FBXL7: variants seen among roughly 807,000 people sequenced by gnomAD.
FBXL7 encodes F-box and leucine rich repeat protein 7, also known as F-box/LRR-repeat protein 7.
A neutral mutation model predicts 38.3 loss-of-function variants in FBXL7; 12 were observed. The ratio of observed to expected loss-of-function variants is 0.31; its 90% confidence interval spans 0.20 to 0.51. The LOEUF is 0.51. Ranked by LOEUF, FBXL7 falls within the 20% of genes least tolerant of loss-of-function variation. The pLI is 0.98. For missense variants in FBXL7, 567 were observed against 676.4 expected (o/e 0.84, Z 1.79); for synonymous variants, 297 against 300.9 (o/e 0.99, Z 0.13).
intron 1 of FBXL7, among the ~76,000 whole-genome samples, chr5:15,540,195 TAAA>T (rs1333228433): frequency 4.6e-5 from 7 of 152,162 alleles, no homozygotes; most frequent in African/African-American, 1.7e-4. Flanking sequence ...TTTAAATGAA[TAAA>T]ATACCCAAGG....
intron 2 of FBXL7, among the ~76,000 whole-genome samples, chr5:15,913,152 GTGCCT>G (rs1157571045): frequency 6.6e-6 from 1 of 151,888 alleles, no homozygotes; most frequent in Non-Finnish European, 1.5e-5. Flanking sequence ...TTGGCACTTA[GTGCCT>G]TGGATATAGT....
At chr5:15,734,362 T>C (rs1409072786) in intron 2 of FBXL7, among the ~76,000 whole-genome samples, 1 of 152,228 alleles carries the variant, frequency 6.6e-6, no homozygotes, top group Non-Finnish European at 1.5e-5. Context: ...CGATCACAAG[T>C]CATGGGTTTA....
At chr5:15,707,012 C>T (rs1016641244) in intron 2 of FBXL7, among the ~76,000 whole-genome samples, 15 of 151,972 alleles carry the variant, frequency 9.9e-5, no homozygotes, top group African/African-American at 3.6e-4. Flanking sequence ...GTCAGCTGGG[C>T]ATATTAAAAT....
intron 1 of FBXL7, among the ~76,000 whole-genome samples, chr5:15,544,141 C>T (rs1479825435): frequency 6.6e-6 from 1 of 152,194 alleles, no homozygotes; most frequent in Non-Finnish European, 1.5e-5. Flanking sequence ...GGTAGCCCTG[C>T]TCTGCAAGGA....
chr5:15,519,138 G>A (rs570639306), intron 1 of FBXL7, among the ~76,000 whole-genome samples: 2 of 152,194 alleles, frequency 1.3e-5, no homozygotes, highest in East Asian at 3.9e-4. Flanking sequence ...GAGGTCAGGA[G>A]TTCAAGACCT....
intron 2 of FBXL7, among the ~76,000 whole-genome samples, chr5:15,750,799 A>G (rs1736134594): frequency 6.6e-6 from 1 of 152,158 alleles, no homozygotes; most frequent in South Asian, 2.1e-4. Flanking sequence ...TCTGGAGCAA[A>G]GCATACAAGA....
At chr5:15,568,663 C>T (rs1461005463) in intron 1 of FBXL7, among the ~76,000 whole-genome samples, 1 of 151,816 alleles carries the variant, frequency 6.6e-6, no homozygotes, top group African/African-American at 2.4e-5. Context: ...AAGTCCTTGC[C>T]CATGCCTATG....
At chr5:15,507,182 T>G (rs1374160728) in intron 1 of FBXL7, among the ~76,000 whole-genome samples, 3 of 152,054 alleles carry the variant, frequency 2.0e-5, no homozygotes, top group Non-Finnish European at 4.4e-5. Flanking sequence ...AAAATCACCC[T>G]AGTTCTGAGT....
intron 2 of FBXL7, among the ~76,000 whole-genome samples, chr5:15,878,061 A>G (rs1197191872): frequency 6.6e-6 from 1 of 152,204 alleles, no homozygotes; most frequent in Non-Finnish European, 1.5e-5. Flanking sequence ...ACCCAGACCA[A>G]TGAGCTCCCC....
At chr5:15,718,754 C>G (rs1478871685) in intron 2 of FBXL7, among the ~76,000 whole-genome samples, 1 of 152,034 alleles carries the variant, frequency 6.6e-6, no homozygotes, top group Non-Finnish European at 1.5e-5. Context: ...TTTTTCTTTT[C>G]TTTAAACATT....
chr5:15,575,978 GT>G (rs552679886), intron 1 of FBXL7, among the ~76,000 whole-genome samples: 96 of 146,206 alleles, frequency 6.6e-4, no homozygotes, highest in African/African-American at 1.9e-3. Context: ...TCTGCACTGT[GT>G]TTTTTTGTGT....
chr5:15,869,881 G>A (rs1449623628), intron 2 of FBXL7, among the ~76,000 whole-genome samples: 1 of 152,114 alleles, frequency 6.6e-6, no homozygotes, highest in East Asian at 1.9e-4. Flanking sequence ...AGGCTGAGAT[G>A]TGCAGATCAC....
intron 2 of FBXL7, among the ~76,000 whole-genome samples, chr5:15,707,043 A>T (rs75347508): frequency 0.053 from 8,013 of 152,180 alleles, 226 homozygotes; most frequent in South Asian, 0.08. Flanking sequence ...ACTTTACAGA[A>T]TGCCGACCTG....
intron 2 of FBXL7, among the ~76,000 whole-genome samples, chr5:15,856,747 T>C (rs1300533756): frequency 6.6e-6 from 1 of 152,080 alleles, no homozygotes; most frequent in African/African-American, 2.4e-5. Flanking sequence ...CTTCCTTTTT[T>C]TTCTTTCTTT....
rs572957199 is a variant in FBXL7, at chr5:15,856,569, A to G, written c.128-71321A>G. 2.6e-5 allele frequency among the ~76,000 whole-genome samples: 4 copies of G among 152,262 alleles called. No individual in the cohort carries two copies. The South Asian group carries it at 6.2e-4, about 24-fold the overall frequency. On this transcript the variant is annotated intron_variant, in intron 2 of 3. Transcript: ENST00000504595. ...TGAAAGTAAAATTAAAAAAAAAACT[A>G]GAGAATAAAGAAATACATGACATAA...
chr5:15,742,453 A>G (rs899818787), intron 2 of FBXL7, among the ~76,000 whole-genome samples: 3 of 152,168 alleles, frequency 2.0e-5, no homozygotes, highest in African/African-American at 7.2e-5. Context: ...GCTGATGGCT[A>G]TATCATTTCC....
intron 2 of FBXL7, among the ~76,000 whole-genome samples, chr5:15,798,607 ATGGAAT>A (rs1737476740): frequency 6.6e-6 from 1 of 152,240 alleles, no homozygotes; most frequent in South Asian, 2.1e-4. Flanking sequence ...CAGACAAGAG[ATGGAAT>A]TGGAAGAAGA....
At chr5:15,660,297 C>G (rs2126583041) in intron 2 of FBXL7, among the ~76,000 whole-genome samples, 1 of 152,304 alleles carries the variant, frequency 6.6e-6, no homozygotes, top group Non-Finnish European at 1.5e-5. Flanking sequence ...TGAAGCAGCT[C>G]AAAGTTCAGT....
Position 15,872,122 on chromosome 5 carries a change from G to A in FBXL7, c.128-55768G>A, listed in dbSNP as rs527719253. Among the ~76,000 whole-genome samples, 10 of 152,246 alleles carry A rather than the reference G, an allele frequency of 6.6e-5. No individual in the cohort carries two copies. The East Asian group carries it at 1.9e-3, about 29-fold the overall frequency. ...AACCCTACAAGCCACAAGACAGTGG[G>A]GGACAATATTCAACATTCTTAAAAG... On this transcript the variant is annotated intron_variant, in intron 2 of 3. Transcript: ENST00000504595.
Sources: gnomAD v4.1 joint callset for allele counts (sites outside exome capture counted in the v4.1 genomes callset) on GRCh38, gnomAD v4.1.1 for gene constraint, MANE v1.5 for transcripts, NCBI Gene and HGNC (gene_info 2026-07-23, HGNC 2026-07-21) for gene names.